Variants in SETD1B observed in about 807,000 individuals in gnomAD.
SETD1B encodes the protein histone-lysine N-methyltransferase SETD1B.
In SETD1B, 7 loss-of-function variants were observed where a neutral mutation model predicts 148.0. The ratio of observed to expected loss-of-function variants is 0.05; its 90% confidence interval spans 0.03 to 0.09. The LOEUF (loss-of-function observed/expected upper bound fraction) is 0.09, where lower values mean the gene tolerates loss of function less well. Ranked by LOEUF, SETD1B falls within the 10% of genes least tolerant of loss-of-function variation. The probability of loss-of-function intolerance (pLI) is 1.00; values close to 1 mark genes in which losing one functional copy is unlikely to be tolerated. For missense variants in SETD1B, 2,155 were observed against 2,729.9 expected, an observed-to-expected ratio of 0.79 and a Z score of 4.69; for synonymous variants, 1,361 against 1,186.5, an observed-to-expected ratio of 1.15 and a Z score of -3.02.
rs762834592 is a variant in SETD1B, at chr12:121,810,914, A to G, written c.1890+79A>G. 3.9e-5 allele frequency: 55 copies of G among 1,421,246 alleles called. No individual in the cohort carries two copies. Among genetic ancestry groups the G allele is most frequent in the Middle Eastern group, 2.1e-4 (1 of 4,706 alleles). 88.0% of individuals were successfully genotyped at this position (1,421,246 alleles called of 1,614,324 possible). A position where few individuals can be genotyped will look rare whatever the true frequency, so the allele number is the denominator to read the frequency against. On this transcript the variant is annotated intron_variant, in intron 6 of 16. Transcript: ENST00000604567. The surrounding 1 kb of genome is among the most constrained non-coding windows in gnomAD (Gnocchi z 7.6). Reference sequence around the variant, plus strand: ...CCCTTTCCCCCTTCAAGCATTTAGCATGACTAGCTAAGATGCGGAAGCAAT... The same window carrying G: ...CCCTTTCCCCCTTCAAGCATTTAGCGTGACTAGCTAAGATGCGGAAGCAAT...
rs1240460676 is a variant in SETD1B, at chr12:121,808,907, G to A, written c.657+587G>A. Among the ~76,000 whole-genome samples, 1 of 152,064 alleles carries A rather than the reference G, an allele frequency of 6.6e-6. No homozygotes were observed. The highest frequency in any genetic ancestry group is 2.4e-5 in the African/African-American group (1 of 41,388). ...TTTTTTTGAGACAGAGTCTCAGTCT[G>A]TCCCCAGGCTGGAGTGCAGTGGTGC... is the stretch of plus-strand genomic sequence containing the variant. On this transcript the variant is annotated intron_variant, in intron 5 of 16. Transcript: ENST00000604567. This position sits in a 1 kb window ranked among gnomAD's most constrained non-coding sequence, Gnocchi z 5.3.
Position 121,819,633 on chromosome 12 carries a change from G to A in SETD1B, c.3648G>A (p.Ala1216=), listed in dbSNP as rs1000564729. ...ACTTTGAGCAGGACGGGGAGGAAGC[G>A]GCTCTGGCCCCGGGGGCACCTGCAG... The part of the protein sequence containing the change: ...PEDFEQDGEE[A]ALAPGAPAVD... The change falls in exon 11 of 17, where the codon GCG becomes GCA. Residue 1216 remains alanine, a synonymous_variant. Transcript: ENST00000604567. 23 of 1,551,676 alleles carry A rather than the reference G, an allele frequency of 1.5e-5. No homozygotes were observed. In the East Asian group the frequency reaches 1.7e-4, roughly 12 times the overall value.
Position 121,805,338 on chromosome 12 carries a change from T to G in SETD1B, c.273+122T>G. On this transcript the variant is annotated intron_variant, in intron 3 of 16. Coordinates refer to ENST00000604567, the MANE Select transcript of SETD1B (RefSeq NM_001353345.2). This position sits in a 1 kb window ranked among gnomAD's most constrained non-coding sequence, Gnocchi z 4.2. ...CCGCCGTCCGGGGCCAGGGAAGTTT[T>G]GGCGGGGAGGGGTAGAGCGCTGGCG... The G allele has an allele frequency of 1.2e-6, 1 of 832,946 alleles. No individual in the cohort carries two copies. The highest frequency in any genetic ancestry group is 1.9e-6 in the Non-Finnish European group (1 of 518,978). The allele number at this position is 832,946 out of a possible 1,614,324, so 51.6% of individuals were successfully genotyped here.
chr12:121,812,623 G>T (rs1341547353), intron 6 of SETD1B, among the ~76,000 whole-genome samples: 4 of 152,282 alleles, frequency 2.6e-5, no homozygotes, highest in South Asian at 2.1e-4. Flanking sequence ...GGCGGCCCGG[G>T]TTAACCCTCT....
the SETD1B span, chr12:121,797,655 G>A: frequency 1.3e-5 from 6 of 455,004 alleles, no homozygotes; most frequent in South Asian, 4.7e-5. Flanking sequence ...GGAGGGAGAC[G>A]TACATCAATT....
At chr12:121,798,318 C>T in the SETD1B span, among the ~76,000 whole-genome samples, 1 of 152,240 alleles carries the variant, frequency 6.6e-6, no homozygotes, top group Non-Finnish European at 1.5e-5. Context: ...AGGAGAACCG[C>T]GTTGGCCGCC....
chr12:121,810,455 G>A lies in SETD1B; in HGVS notation c.1510G>A (p.Glu504Lys), dbSNP rs1875976688. 3 of 1,548,970 alleles carry A rather than the reference G, an allele frequency of 1.9e-6. No homozygotes were observed. The highest frequency in any genetic ancestry group is 2.6e-6 in the Non-Finnish European group (3 of 1,147,114). The change falls in exon 6 of 17, where the codon GAG becomes AAG. Residue 504 changes from glutamate (E) to lysine (K), a missense_variant. Physicochemically the swap from Glu to Lys is moderately conservative, Grantham distance 56. This residue lies in a region of SETD1B where 5 missense variants were observed against 19.9 expected (regional missense o/e 0.25). Coordinates refer to ENST00000604567, the MANE Select transcript of SETD1B (RefSeq NM_001353345.2). This position sits in a 1 kb window ranked among gnomAD's most constrained non-coding sequence, Gnocchi z 7.6. ...KPHDSLDSRI[E>K]MLLKEQRTKL... The stretch of plus-strand genomic sequence containing the variant: ...CCACGACAGCCTGGACTCGCGCATC[G>A]AGATGCTGCTGAAGGAGCAGCGCAC...
Position 121,814,634 on chromosome 12 carries a change from G to A in SETD1B, c.2419G>A (p.Ala807Thr), listed in dbSNP as rs1455931949. The A allele has an allele frequency of 6.5e-7, 1 of 1,546,764 alleles. No homozygotes were observed. The highest frequency in any genetic ancestry group is 8.7e-7 in the Non-Finnish European group (1 of 1,144,860). Residue 807 changes from alanine to threonine, a missense_variant, in exon 7 of 17, where the codon GCT (alanine) becomes ACT (threonine). Coordinates refer to ENST00000604567, the MANE Select transcript of SETD1B (RefSeq NM_001353345.2). Reference sequence around the variant, plus strand: ...GGCCGCTGCGGCCGCCGCTGCCTCAGCTGGGCTCCAGTTTGTCAACCTGCC... The same window carrying A: ...GGCCGCTGCGGCCGCCGCTGCCTCAACTGGGCTCCAGTTTGTCAACCTGCC... ...FMAAAAAAAS[A>T]GLQFVNLPPY...
Position 121,819,652 on chromosome 12 carries a change from C to T in SETD1B, c.3667C>T (p.Pro1223Ser), listed in dbSNP as rs770771076. The T allele has an allele frequency of 3.9e-6, 6 of 1,551,466 alleles. No individual in the cohort carries two copies. Among genetic ancestry groups the T allele is most frequent in the Non-Finnish European group, 5.2e-6 (6 of 1,146,988 alleles). The change falls in exon 11 of 17, where the codon CCT (proline) becomes TCT (serine). Residue 1223 changes from proline to serine, a missense_variant. Transcript: ENST00000604567. The stretch of plus-strand genomic sequence containing the variant: ...GGAAGCGGCTCTGGCCCCGGGGGCA[C>T]CTGCAGTGGACTCGTTGGGCATGGA... ...GEEAALAPGAPAVDSLGMEEE... is the reference protein window; with the variant it reads ...GEEAALAPGASAVDSLGMEEE...
intron 13 of SETD1B, among the ~76,000 whole-genome samples, chr12:121,827,194 C>T (rs888613530): frequency 8.6e-5 from 13 of 151,726 alleles, no homozygotes; most frequent in African/African-American, 1.5e-4. Context: ...GAAGGATCCC[C>T]GATTTTGAAC....
At chr12:121,803,884 G>A (rs1271559407), upstream of SETD1B, 23 of 153,774 alleles carry the variant, frequency 1.5e-4, no homozygotes, top group Non-Finnish European at 3.1e-4. The surrounding 1 kb of genome is among the most constrained non-coding windows in gnomAD (Gnocchi z 4.7). Flanking sequence ...CCGGGGCTTT[G>A]GCGGCGCAGC....
chr12:121,793,274 G>T, the SETD1B span: 1 of 1,527,598 alleles, frequency 6.5e-7, no homozygotes, highest in Non-Finnish European at 8.9e-7. Context: ...TCCTTAGTGG[G>T]GCCGGCGGGG....
chr12:121,793,541 G>A, the SETD1B span: 1 of 1,545,552 alleles, frequency 6.5e-7, no homozygotes, highest in Non-Finnish European at 8.7e-7. Flanking sequence ...GCGAGGTCTT[G>A]CCGCAGCCGC....
upstream of SETD1B, chr12:121,802,152 T>A (rs1306083099): frequency 6.6e-6 from 1 of 152,188 alleles, no homozygotes; most frequent in East Asian, 1.9e-4. Flanking sequence ...CTGACTAGCA[T>A]TTAGTGCTGT....
chr12:121,793,056 G>C, the SETD1B span: 3 of 1,076,134 alleles, frequency 2.8e-6, no homozygotes, highest in Admixed American at 2.1e-5. Context: ...GCCCTGCCAA[G>C]GCTGCAGGGC....
rs1875953411 is a variant in SETD1B, at chr12:121,810,157, G to A, written c.1212G>A (p.Val404=). Residue 404 remains valine, a synonymous_variant, in exon 6 of 17, where the codon GTG becomes GTA. Transcript: ENST00000604567. This position sits in a 1 kb window ranked among gnomAD's most constrained non-coding sequence, Gnocchi z 7.6. ...CTTTCTCTCCGTATCAGACCCCAGTGGCCCACTTCCCTCCACCCCCGGAAG... is the reference window on the plus strand; with the variant it reads ...CTTTCTCTCCGTATCAGACCCCAGTAGCCCACTTCCCTCCACCCCCGGAAG... ...KSAFSPYQTP[V]AHFPPPPEEP... 4 of 1,549,908 alleles carry A rather than the reference G, an allele frequency of 2.6e-6. No individual in the cohort carries two copies. The East Asian group carries it at 9.8e-5, about 38-fold the overall frequency.
intron 10 of SETD1B, among the ~76,000 whole-genome samples, chr12:121,818,773 C>T (rs1592984536): frequency 6.6e-6 from 1 of 151,760 alleles, no homozygotes; most frequent in East Asian, 1.9e-4. Context: ...GCCTGTAGTC[C>T]TAGCTACTCA....
At chr12:121,820,789 T>C (rs1350210088) in intron 11 of SETD1B, among the ~76,000 whole-genome samples, 1 of 152,208 alleles carries the variant, frequency 6.6e-6, no homozygotes, top group Non-Finnish European at 1.5e-5. Context: ...CACCTCGGCC[T>C]CCCAAAGTGC....
the SETD1B span, chr12:121,793,453 G>A: frequency 6.5e-7 from 1 of 1,535,968 alleles, no homozygotes; most frequent in Non-Finnish European, 8.7e-7. Flanking sequence ...CTCAGGGTAA[G>A]GGGCGTCCCT....
Sources: gnomAD v4.1 joint callset for allele counts (sites outside exome capture counted in the v4.1 genomes callset) on GRCh38, gnomAD v4.1.1 for gene constraint, gnomAD v4.1.1 regional missense constraint, Gnocchi (gnomAD v3.1) non-coding constraint, MANE v1.5 for transcripts, NCBI Gene and HGNC (gene_info 2026-07-23, HGNC 2026-07-21) for gene names.